Variants in SSBP2 observed in about 807,000 individuals in gnomAD.
SSBP2 encodes the protein single stranded DNA binding protein 2.
In SSBP2, 17 loss-of-function variants were observed where a neutral mutation model predicts 61.8. That is an observed-to-expected ratio of 0.28 (90% CI 0.19 to 0.41). The LOEUF (loss-of-function observed/expected upper bound fraction) is 0.41. Among genes scored for constraint, SSBP2 ranks in the 10% least tolerant of loss-of-function variants. SSBP2 has a pLI of 1.00. For missense variants in SSBP2, 310 were observed against 458.7 expected, an observed-to-expected ratio of 0.68 and a Z score of 2.96; for synonymous variants, 139 against 141.3, an observed-to-expected ratio of 0.98 and a Z score of 0.12.
At chr5:81,691,045 C>T (rs928694016) in intron 1 of SSBP2, among the ~76,000 whole-genome samples, 1 of 151,924 alleles carries the variant, frequency 6.6e-6, no homozygotes, top group African/African-American at 2.4e-5. Flanking sequence ...CACAACATAC[C>T]AAAACCTGTG....
intron 3 of SSBP2, among the ~76,000 whole-genome samples, chr5:81,620,217 C>T (rs1328871659): frequency 8.8e-6 from 1 of 114,080 alleles, no homozygotes; most frequent in African/African-American, 3.4e-5. Context: ...ATCGTCTCAG[C>T]CCAAAATCTC....
At chr5:81,425,851 C>T (rs1276209901) in intron 16 of SSBP2, among the ~76,000 whole-genome samples, 2 of 152,056 alleles carry the variant, frequency 1.3e-5, no homozygotes, top group Non-Finnish European at 2.9e-5. Flanking sequence ...AATGAAGCAG[C>T]ATGTGTGAGT....
chr5:81,689,144 T>C (rs1416588725), intron 1 of SSBP2, among the ~76,000 whole-genome samples: 2 of 151,644 alleles, frequency 1.3e-5, no homozygotes, highest in Admixed American at 6.6e-5. Context: ...AACAAATTAG[T>C]GAGCTTGAAG....
rs73133677 is a variant in SSBP2, at chr5:81,545,149, A to G, written c.283-31432T>C. ...TGAATTTGAATTTCAGATAAAACAC[A>G]TATTTTTTTAGTATAAGTATGCCTT... On this transcript the variant is annotated intron_variant, in intron 4 of 16. Transcript: ENST00000320672. 5.9e-5 allele frequency among the ~76,000 whole-genome samples: 9 copies of G among 152,270 alleles called. No homozygotes were observed. In the South Asian group the frequency reaches 1.9e-3, roughly 32 times the overall value.
chr5:81,719,701 A>AT (rs1200847695), intron 1 of SSBP2, among the ~76,000 whole-genome samples: 3 of 152,160 alleles, frequency 2.0e-5, no homozygotes, highest in Non-Finnish European at 2.9e-5. Context: ...ACAGGTCCAT[A>AT]TGGGAAGGCA....
intron 16 of SSBP2, among the ~76,000 whole-genome samples, chr5:81,422,267 C>G (rs993749307): frequency 2.0e-5 from 3 of 151,888 alleles, no homozygotes; most frequent in Admixed American, 2.0e-4. Flanking sequence ...AAGCTGAGAC[C>G]GGCTGCAGAA....
At chr5:81,446,756 T>A in intron 12 of SSBP2, 112 bp downstream of exon 12, 9 of 1,026,862 alleles carry the variant, frequency 8.8e-6, no homozygotes, top group Non-Finnish European at 1.3e-5. Flanking sequence ...CTCTACTCCT[T>A]TAACTATCGT....
intron 6 of SSBP2, among the ~76,000 whole-genome samples, chr5:81,477,231 A>G (rs1765652974): frequency 6.6e-6 from 1 of 152,156 alleles, no homozygotes; most frequent in Non-Finnish European, 1.5e-5. Flanking sequence ...CATCATTTTT[A>G]GGCTCTCTCA....
chr5:81,468,882 C>G (rs1765064041), intron 8 of SSBP2, among the ~76,000 whole-genome samples: 1 of 151,990 alleles, frequency 6.6e-6, no homozygotes, highest in South Asian at 2.1e-4. Context: ...AAAAGGATAG[C>G]TATTTCCCCT....
intron 4 of SSBP2, among the ~76,000 whole-genome samples, chr5:81,588,051 A>G (rs562789555): frequency 1.8e-4 from 27 of 152,252 alleles, no homozygotes; most frequent in African/African-American, 6.3e-4. Context: ...TGCAGTCTCA[A>G]CATCCAGGGG....
At chr5:81,591,475 A>C (rs1775496946) in intron 4 of SSBP2, among the ~76,000 whole-genome samples, 1 of 152,250 alleles carries the variant, frequency 6.6e-6, no homozygotes, top group South Asian at 2.1e-4. Flanking sequence ...CAACAAAGTT[A>C]TTGGAACTAT....
At chr5:81,595,506 C>T (rs1581125159) in intron 4 of SSBP2, among the ~76,000 whole-genome samples, 1 of 152,184 alleles carries the variant, frequency 6.6e-6, no homozygotes, top group South Asian at 2.1e-4. Flanking sequence ...CCAGCATCAT[C>T]CTGATACCAA....
chr5:81,682,134 T>C (rs1017886268), intron 1 of SSBP2, among the ~76,000 whole-genome samples: 12 of 152,048 alleles, frequency 7.9e-5, no homozygotes, highest in African/African-American at 2.9e-4. Flanking sequence ...TCCCAAATAT[T>C]TAAGGAAGAA....
chr5:81,702,937 A>C (rs1754093228), intron 1 of SSBP2, among the ~76,000 whole-genome samples: 1 of 152,216 alleles, frequency 6.6e-6, no homozygotes, highest in Admixed American at 6.5e-5. Context: ...AATGTACTCA[A>C]GCTCCAACAA....
At chr5:81,611,875 T>G (rs1745483848) in intron 4 of SSBP2, among the ~76,000 whole-genome samples, 1 of 152,134 alleles carries the variant, frequency 6.6e-6, no homozygotes, top group Non-Finnish European at 1.5e-5. Context: ...CATATCTATG[T>G]AAAATTCTAG....
At chr5:81,438,254 G>A (rs962254962) in intron 14 of SSBP2, among the ~76,000 whole-genome samples, 4 of 151,722 alleles carry the variant, frequency 2.6e-5, no homozygotes, top group African/African-American at 9.7e-5. Flanking sequence ...GGGAGGCTGA[G>A]GCGGGAAATT....
intron 6 of SSBP2, among the ~76,000 whole-genome samples, chr5:81,477,083 G>A (rs1041571108): frequency 5.9e-5 from 9 of 151,960 alleles, no homozygotes; most frequent in African/African-American, 2.2e-4. Context: ...GGCATAAGAT[G>A]TTCCAGGCTC....
At chr5:81,482,886 A>C (rs547732832) in intron 6 of SSBP2, among the ~76,000 whole-genome samples, 148 of 152,196 alleles carry the variant, frequency 9.7e-4, no homozygotes, top group African/African-American at 3.3e-3. Flanking sequence ...TCCTCACTAA[A>C]TGTAATCATT....
At position 81,583,448 on chromosome 5, in the gene SSBP2, T is replaced by C. The variant is rs183679058; in HGVS notation, c.282+32025A>G. On this transcript the variant is annotated intron_variant, in intron 4 of 16. Coordinates refer to ENST00000320672, the MANE Select transcript of SSBP2 (RefSeq NM_012446.5). Reference sequence around the variant, plus strand: ...ATTGAGACCATCCTGGCTAACACGGTGAAACCCCGTCTCTACTAAAAATGC... The same window carrying C: ...ATTGAGACCATCCTGGCTAACACGGCGAAACCCCGTCTCTACTAAAAATGC... Among the ~76,000 whole-genome samples, 348 of 151,834 alleles carry C rather than the reference T, an allele frequency of 2.3e-3. 1 individual carries two copies. The highest frequency in any genetic ancestry group is 4.3e-3 in the Non-Finnish European group (289 of 67,920).
Sources: gnomAD v4.1 joint callset for allele counts (sites outside exome capture counted in the v4.1 genomes callset) on GRCh38, gnomAD v4.1.1 for gene constraint, MANE v1.5 for transcripts, NCBI Gene and HGNC (gene_info 2026-07-23, HGNC 2026-07-21) for gene names.